KCNQ1: variants seen among roughly 807,000 people sequenced by gnomAD.
KCNQ1 encodes the protein potassium voltage-gated channel subfamily Q member 1.
Under a neutral mutation model 72.4 loss-of-function variants are expected in KCNQ1, and 49 were observed. The observed-to-expected ratio is 0.68, with a 90% CI of 0.54 to 0.86. The LOEUF is 0.86. Ranked by LOEUF, KCNQ1 falls within the 40% of genes least tolerant of loss-of-function variation. The probability of loss-of-function intolerance (pLI) is 0.00; values close to 1 mark genes in which losing one functional copy is unlikely to be tolerated. For synonymous variants in KCNQ1, 450 were observed against 412.6 expected (o/e 1.09, Z -1.10); for missense variants, 790 against 945.1 (o/e 0.84, Z 2.15).
At chr11:2,531,519 C>G (rs1161123983) in intron 2 of KCNQ1, among the ~76,000 whole-genome samples, 1 of 152,176 alleles carries the variant, frequency 6.6e-6, no homozygotes, top group Non-Finnish European at 1.5e-5. Flanking sequence ...CTCATCCCAG[C>G]AGCCCTGCCC....
rs1219368239 is a variant in KCNQ1, at chr11:2,827,924, CAG to C, written c.1795-19842_1795-19841del. Among the ~76,000 whole-genome samples the C allele has an allele frequency of 1.3e-5, 2 of 152,186 alleles. No homozygotes were observed. Among genetic ancestry groups the C allele is most frequent in the Non-Finnish European group, 1.5e-5 (1 of 68,046 alleles). The stretch of plus-strand genomic sequence containing the variant: ...CTCTGAGACATGGAAGTGGTGAGGT[CAG>C]GGGCCGGGAACCCTATGGTGGTGTT... On this transcript the variant is annotated intron_variant, in intron 15 of 15. Transcript: ENST00000155840. This position sits in a 1 kb window ranked among gnomAD's most constrained non-coding sequence, Gnocchi z 6.7.
chr11:2,547,249 C>T lies in KCNQ1; in HGVS notation c.477+19231C>T, dbSNP rs561874704. On this transcript the variant is annotated intron_variant, in intron 2 of 15. Coordinates refer to ENST00000155840, the MANE Select transcript of KCNQ1 (RefSeq NM_000218.3). This position sits in a 1 kb window ranked among gnomAD's most constrained non-coding sequence, Gnocchi z 4.2. ...TGTATTATTTATTTATTTATTTTTGCGAAACAGTTTCCCTCTGTTGCCCAG... is the reference window on the plus strand; with the variant it reads ...TGTATTATTTATTTATTTATTTTTGTGAAACAGTTTCCCTCTGTTGCCCAG... Among the ~76,000 whole-genome samples the T allele has an allele frequency of 3.9e-5, 6 of 152,044 alleles. No individual in the cohort carries two copies. Among genetic ancestry groups the T allele is most frequent in the Admixed American group, 1.3e-4 (2 of 15,262 alleles).
chr11:2,677,127 A>C lies in KCNQ1; in HGVS notation c.1514+15046A>C, dbSNP rs1291828380. 1 of 398,524 alleles carries C rather than the reference A, an allele frequency of 2.5e-6. No homozygotes were observed. The highest frequency in any genetic ancestry group is 4.4e-6 in the Non-Finnish European group (1 of 226,074). 24.7% of individuals were successfully genotyped at this position (398,524 alleles called of 1,614,324 possible). ...CTTATGAAATTAGTTTCCCTGAAAC[A>C]TCCCTCCCTATTGAACACTGTTGTT... On this transcript the variant is annotated intron_variant, in intron 11 of 15. Transcript: ENST00000155840. This position sits in a 1 kb window ranked among gnomAD's most constrained non-coding sequence, Gnocchi z 4.5.
rs1045581494 is a variant in KCNQ1, at chr11:2,710,296, A to G, written c.1514+48215A>G. On this transcript the variant is annotated intron_variant, in intron 11 of 15. Transcript: ENST00000155840. This position sits in a 1 kb window ranked among gnomAD's most constrained non-coding sequence, Gnocchi z 4.1. ...CTCTTCTTTGAAGAAGTATGTATTC[A>G]AATTCTTTGCCCAAATTTTAATTGG... Among the ~76,000 whole-genome samples the G allele has an allele frequency of 2.0e-5, 3 of 152,220 alleles. No homozygotes were observed. Among genetic ancestry groups the G allele is most frequent in the African/African-American group, 2.4e-5 (1 of 41,464 alleles).
chr11:2,610,825 C>G (rs1848969319), intron 10 of KCNQ1: 1 of 370,868 alleles, frequency 2.7e-6, no homozygotes, highest in Non-Finnish European at 4.7e-6. Context: ...CCACATTTGT[C>G]TCCCTGACAC....
Position 2,515,590 on chromosome 11 carries a change from G to A in KCNQ1, c.387-12338G>A, listed in dbSNP as rs969092785. ...AGCCTCGCCATTTCTGGGGTGGGGG[G>A]TGCACAGGTGCATCTGGTCTGCCCA... On this transcript the variant is annotated intron_variant, in intron 1 of 15. Transcript: ENST00000155840. This position sits in a 1 kb window ranked among gnomAD's most constrained non-coding sequence, Gnocchi z 4.7. 7.2e-5 allele frequency among the ~76,000 whole-genome samples: 11 copies of A among 152,156 alleles called. No individual in the cohort carries two copies. Among genetic ancestry groups the A allele is most frequent in the African/African-American group, 2.7e-4 (11 of 41,442 alleles).
At chr11:2,548,691 T>A (rs1315008639) in intron 2 of KCNQ1, among the ~76,000 whole-genome samples, 5 of 152,144 alleles carry the variant, frequency 3.3e-5, no homozygotes, top group African/African-American at 4.8e-5. Context: ...AGGTGACATC[T>A]TCTTCTTGCA....
chr11:2,632,372 T>C (rs1849374668), intron 10 of KCNQ1: 1 of 398,312 alleles, frequency 2.5e-6, no homozygotes, highest in African/African-American at 2.1e-5. Context: ...TTCTTTTCCA[T>C]ATTCTTTGGC....
rs397508107 is a variant in KCNQ1 at position 2,445,299 on chromosome 11, G to GGCCGCGCCC, written c.211_219dup (p.Ala71_Pro73dup). 2.8e-5 allele frequency: 40 copies of GGCCGCGCCC among 1,415,278 alleles called. No homozygotes were observed. Among genetic ancestry groups the GGCCGCGCCC allele is most frequent in the Non-Finnish European group, 3.6e-5 (39 of 1,088,076 alleles). 87.7% of individuals were successfully genotyped at this position (1,415,278 alleles called of 1,614,324 possible). On this transcript the variant is annotated inframe_insertion, in exon 1 of 16. Coordinates refer to ENST00000155840, the MANE Select transcript of KCNQ1 (RefSeq NM_000218.3). ...CAGGTCCCGCGCCCCCTGCGTCCCC[G>GGCCGCGCCC]GCCGCGCCCGCCGCGCCCCCAGTTG...
chr11:2,686,146 G>T (rs1438660614), intron 11 of KCNQ1: 2 of 398,760 alleles, frequency 5.0e-6, no homozygotes. Flanking sequence ...TTGCTTCTGG[G>T]GTTTGCTTCG....
chr11:2,689,308 T>A, intron 11 of KCNQ1: 1 of 398,672 alleles, frequency 2.5e-6, no homozygotes, highest in Non-Finnish European at 4.4e-6. Flanking sequence ...TAAGACTCAA[T>A]GCCACCTCAG....
intron 11 of KCNQ1, chr11:2,689,784 G>A: frequency 2.5e-6 from 1 of 398,732 alleles, no homozygotes; most frequent in Non-Finnish European, 4.4e-6. Flanking sequence ...AGCCTAGGAG[G>A]GGAGGGGAAG....
intron 11 of KCNQ1, among the ~76,000 whole-genome samples, chr11:2,705,542 C>T (rs1206351124): frequency 6.6e-6 from 1 of 152,192 alleles, no homozygotes; most frequent in African/African-American, 2.4e-5. Flanking sequence ...CCTTTTCTAC[C>T]ACCACCTTCC....
rs1001610394 is a variant in KCNQ1, at chr11:2,654,752, C to T, written c.1394-7209C>T. 2.8e-5 allele frequency: 11 copies of T among 398,410 alleles called. No individual in the cohort carries two copies. Among genetic ancestry groups the T allele is most frequent in the Admixed American group, 4.4e-5 (1 of 22,690 alleles). 24.7% of individuals were successfully genotyped at this position (398,410 alleles called of 1,614,324 possible). A position where few individuals can be genotyped will look rare whatever the true frequency, so the allele number is the denominator to read the frequency against. ...TCTGGGCAGGGAGGGGTCTGGGGCT[C>T]GATGAGAAGGCAGAGGAAGTGAGAC... On this transcript the variant is annotated intron_variant, in intron 10 of 15. Coordinates refer to ENST00000155840, the MANE Select transcript of KCNQ1 (RefSeq NM_000218.3). The surrounding 1 kb of genome is among the most constrained non-coding windows in gnomAD (Gnocchi z 6.4).
Position 2,458,364 on chromosome 11 carries a change from C to G in KCNQ1, c.386+12880C>G, listed in dbSNP as rs1474437308. On this transcript the variant is annotated intron_variant, in intron 1 of 15. Transcript: ENST00000155840. The surrounding 1 kb of genome is among the most constrained non-coding windows in gnomAD (Gnocchi z 4.6). ...GACCGCTCATGATGTTGAATCCTGGCAAGCAAACGGAGAGAATCTGACATG... is the reference window on the plus strand; with the variant it reads ...GACCGCTCATGATGTTGAATCCTGGGAAGCAAACGGAGAGAATCTGACATG... 6.6e-6 allele frequency among the ~76,000 whole-genome samples: 1 copy of G among 152,202 alleles called. No individual in the cohort carries two copies. Among genetic ancestry groups the G allele is most frequent in the African/African-American group, 2.4e-5 (1 of 41,446 alleles).
intron 1 of KCNQ1, among the ~76,000 whole-genome samples, chr11:2,489,389 G>A (rs1344713035): frequency 6.6e-6 from 1 of 152,180 alleles, no homozygotes; most frequent in Non-Finnish European, 1.5e-5. Context: ...CATATCTCAG[G>A]GGTCAGAAAC....
In KCNQ1 at chr11:2,735,469, C is replaced by T. The variant is rs945134573; in HGVS notation, c.1515-33375C>T. Among the ~76,000 whole-genome samples the T allele has an allele frequency of 6.6e-6, 1 of 152,060 alleles. No homozygotes were observed. The highest frequency in any genetic ancestry group is 2.1e-4 in the South Asian group (1 of 4,826). Reference sequence around the variant, plus strand: ...GGCCAGGGATGCCTGAAGCCACACTCCACTGCATTCAGCCACCGTCCTGAA... The same window carrying T: ...GGCCAGGGATGCCTGAAGCCACACTTCACTGCATTCAGCCACCGTCCTGAA... On this transcript the variant is annotated intron_variant, in intron 11 of 15. Coordinates refer to ENST00000155840, the MANE Select transcript of KCNQ1 (RefSeq NM_000218.3). This position sits in a 1 kb window ranked among gnomAD's most constrained non-coding sequence, Gnocchi z 7.7.
At chr11:2,489,462 AG>A (rs1846798313) in intron 1 of KCNQ1, among the ~76,000 whole-genome samples, 1 of 152,182 alleles carries the variant, frequency 6.6e-6, no homozygotes, top group Admixed American at 6.5e-5. Flanking sequence ...TAAACTTGTA[AG>A]GCAGTCTAGG....
rs1452756681 is a variant in KCNQ1 at position 2,768,008 on chromosome 11, C to T, written c.1515-836C>T. On this transcript the variant is annotated intron_variant, in intron 11 of 15. Coordinates refer to ENST00000155840, the MANE Select transcript of KCNQ1 (RefSeq NM_000218.3). The surrounding 1 kb of genome is among the most constrained non-coding windows in gnomAD (Gnocchi z 6.7). ...TGAGGAGGAAACGCTCGGATGCAGGCGCAGCTCAGTTCATTTCCTTTCTAT... is the reference window on the plus strand; with the variant it reads ...TGAGGAGGAAACGCTCGGATGCAGGTGCAGCTCAGTTCATTTCCTTTCTAT... 4.6e-5 allele frequency among the ~76,000 whole-genome samples: 7 copies of T among 152,206 alleles called. No individual in the cohort carries two copies. The East Asian group carries it at 5.8e-4, about 13-fold the overall frequency.
Sources: gnomAD v4.1 joint callset for allele counts (sites outside exome capture counted in the v4.1 genomes callset) on GRCh38, gnomAD v4.1.1 for gene constraint, Gnocchi (gnomAD v3.1) non-coding constraint, MANE v1.5 for transcripts, NCBI Gene and HGNC (gene_info 2026-07-23, HGNC 2026-07-21) for gene names.